The following MYRFL variants were observed in gnomAD, a reference collection of about 807,000 sequenced individuals.
MYRFL encodes myelin regulatory factor like, also known as myelin regulatory factor-like protein.
In MYRFL, 88 loss-of-function variants were observed where a neutral mutation model predicts 109.4. That is an observed-to-expected ratio of 0.80 (90% confidence interval 0.68 to 0.96). The LOEUF is 0.96. Among genes scored for constraint, MYRFL ranks in the 40% least tolerant of loss-of-function variants. The pLI is 0.00. For missense variants in MYRFL, 957 were observed against 954.9 expected, an observed-to-expected ratio of 1.00 and a Z score of -0.03; for synonymous variants, 324 against 320.9, an observed-to-expected ratio of 1.01 and a Z score of -0.10.
intron 1 of MYRFL, among the ~76,000 whole-genome samples, chr12:69,842,360 C>G (rs1267822098): frequency 6.6e-6 from 1 of 152,208 alleles, no homozygotes; most frequent in Non-Finnish European, 1.5e-5. Context: ...AATACACTTT[C>G]CACCATTCAT....
intron 1 of MYRFL, among the ~76,000 whole-genome samples, chr12:69,851,507 A>G (rs1171212444): frequency 1.3e-5 from 2 of 152,212 alleles, no homozygotes; most frequent in African/African-American, 4.8e-5. Flanking sequence ...GCAAAATCTC[A>G]AAGTATCTCC....
intron 3 of MYRFL, 24 bp downstream of exon 3, chr12:69,879,119 C>T (rs1404803690): frequency 1.4e-6 from 1 of 700,286 alleles, no homozygotes; most frequent in Non-Finnish European, 2.6e-6. Flanking sequence ...ACCTTCAGCA[C>T]ATCTGGCACT....
intron 19 of MYRFL, among the ~76,000 whole-genome samples, chr12:69,950,893 A>C (rs963428714): frequency 6.6e-6 from 1 of 152,246 alleles, no homozygotes; most frequent in African/African-American, 2.4e-5. Flanking sequence ...TAGATAGGAA[A>C]TAAAACTATC....
rs1280911381 is a variant in MYRFL at position 69,952,123 on chromosome 12, C to G, written c.2235C>G (p.Ser745Arg). 10 of 1,535,940 alleles carry G rather than the reference C, an allele frequency of 6.5e-6. No individual in the cohort carries two copies. The highest frequency in any genetic ancestry group is 5.2e-6 in the Non-Finnish European group (6 of 1,146,876). ...TTGTTTCCTTTTCAGAAGACAAAAG[C>G]AAATCAGTTTTGGCAAGAAATGCAC... The part of the protein sequence containing the change: ...FHQRRWSEDK[S>R]KSVLARNALS... Residue 745 changes from serine to arginine, a missense_variant, in exon 20 of 25, where the codon AGC (serine) becomes AGG (arginine). By Grantham distance (110) the Ser-to-Arg change is moderately radical. Transcript: ENST00000552032.
chr12:69,943,263 C>T lies in MYRFL; in HGVS notation c.2224+6631C>T, dbSNP rs555634191. Reference sequence around the variant, plus strand: ...CAAAAGAACAAAGCTGGAGGCATCACACTACCTGACTTCAAACTATACTAC... The same window carrying T: ...CAAAAGAACAAAGCTGGAGGCATCATACTACCTGACTTCAAACTATACTAC... On this transcript the variant is annotated intron_variant, in intron 19 of 24. Transcript: ENST00000552032. Among the ~76,000 whole-genome samples the T allele has an allele frequency of 2.6e-5, 4 of 151,236 alleles. No individual in the cohort carries two copies. The East Asian group carries it at 5.8e-4, about 22-fold the overall frequency.
At chr12:69,874,209 C>T (rs1290428506) in intron 2 of MYRFL, among the ~76,000 whole-genome samples, 1 of 152,178 alleles carries the variant, frequency 6.6e-6, no homozygotes. Context: ...AATAACTTCT[C>T]AGCCTGTTGC....
rs374822557 is a variant in MYRFL, at chr12:69,918,317, G to A, written c.1602+7387G>A. On this transcript the variant is annotated intron_variant, in intron 13 of 24. Coordinates refer to ENST00000552032, the MANE Select transcript of MYRFL (RefSeq NM_182530.3). ...AACAAAAAGAACCAAAGAACCGAAA[G>A]CAACACCTTAAGGAACACACCCAAT... is the stretch of plus-strand genomic sequence containing the variant. Among the ~76,000 whole-genome samples, 111 of 152,244 alleles carry A rather than the reference G, an allele frequency of 7.3e-4. No homozygotes were observed. The Middle Eastern group carries it at 0.017, about 23-fold the overall frequency.
At chr12:69,864,520 G>A (rs1199730071) in intron 2 of MYRFL, among the ~76,000 whole-genome samples, 1 of 151,940 alleles carries the variant, frequency 6.6e-6, no homozygotes, top group Non-Finnish European at 1.5e-5. Flanking sequence ...CAATAGTAGT[G>A]GAGAAACCTG....
At chr12:69,848,821 A>G (rs1168274770) in intron 1 of MYRFL, among the ~76,000 whole-genome samples, 1 of 152,204 alleles carries the variant, frequency 6.6e-6, no homozygotes, top group Non-Finnish European at 1.5e-5. Context: ...AAAATACAGT[A>G]GTTCTAATTT....
intron 2 of MYRFL, among the ~76,000 whole-genome samples, chr12:69,860,248 A>C (rs940789228): frequency 1.3e-5 from 2 of 151,696 alleles, no homozygotes; most frequent in Non-Finnish European, 2.9e-5. Flanking sequence ...ATGACTTCCA[A>C]CTCCATCCAT....
chr12:69,833,449 C>T (rs1022372630), intron 1 of MYRFL, among the ~76,000 whole-genome samples: 2 of 152,068 alleles, frequency 1.3e-5, no homozygotes, highest in African/African-American at 4.8e-5. Context: ...GTCAGTGGGT[C>T]GAAGACAGCA....
intron 11 of MYRFL, among the ~76,000 whole-genome samples, chr12:69,905,234 G>A (rs899410985): frequency 2.0e-5 from 3 of 152,210 alleles, no homozygotes; most frequent in Admixed American, 6.5e-5. Context: ...TATAACAAGT[G>A]AGAAAAGTCC....
At chr12:69,943,765 A>G (rs1955743063) in intron 19 of MYRFL, among the ~76,000 whole-genome samples, 1 of 145,054 alleles carries the variant, frequency 6.9e-6, no homozygotes, top group Non-Finnish European at 1.5e-5. Context: ...AATGGGAGAA[A>G]ATTTTTGCAA....
At chr12:69,840,858 G>A (rs765663674) in intron 1 of MYRFL, among the ~76,000 whole-genome samples, 4 of 152,160 alleles carry the variant, frequency 2.6e-5, no homozygotes, top group Admixed American at 6.5e-5. Flanking sequence ...GAAAACCCAC[G>A]TGGGGGTTGC....
In MYRFL at chr12:69,905,249, C is replaced by T. The variant is rs75959085; in HGVS notation, c.1383+1405C>T. 1.5e-3 allele frequency among the ~76,000 whole-genome samples: 230 copies of T among 152,334 alleles called. 1 individual carries two copies. Among genetic ancestry groups the T allele is most frequent in the African/African-American group, 4.6e-3 (191 of 41,574 alleles). ...TATAACAAGTGAGAAAAGTCCTGTA[C>T]AACCCTTCCTGCTACCACCAGGCAT... is the stretch of plus-strand genomic sequence containing the variant. On this transcript the variant is annotated intron_variant, in intron 11 of 24. Transcript: ENST00000552032.
chr12:69,868,232 G>A (rs920246024), intron 2 of MYRFL, among the ~76,000 whole-genome samples: 1 of 150,806 alleles, frequency 6.6e-6, no homozygotes. Flanking sequence ...TCAGCCTCCC[G>A]AGTAGCTGGG....
At chr12:69,932,935 G>T (rs969166949) in intron 16 of MYRFL, among the ~76,000 whole-genome samples, 1 of 151,448 alleles carries the variant, frequency 6.6e-6, no homozygotes, top group Non-Finnish European at 1.5e-5. Flanking sequence ...TGCAAACAAA[G>T]AGTTTTCTCA....
chr12:69,954,674 T>A (rs1323705345), intron 21 of MYRFL, among the ~76,000 whole-genome samples: 3 of 152,224 alleles, frequency 2.0e-5, no homozygotes, highest in Non-Finnish European at 2.9e-5. Flanking sequence ...TTTAAATTGT[T>A]TTTCCATGTA....
intron 1 of MYRFL, among the ~76,000 whole-genome samples, chr12:69,825,941 G>A (rs929311645): frequency 1.3e-5 from 2 of 151,946 alleles, no homozygotes; most frequent in African/African-American, 2.4e-5. Flanking sequence ...ATTTTTACAC[G>A]GTAAGGTATT....
Sources: allele counts gnomAD v4.1 joint callset (sites outside exome capture counted in the v4.1 genomes callset), GRCh38; gene constraint gnomAD v4.1.1; transcripts MANE v1.5; gene names NCBI Gene and HGNC (gene_info 2026-07-23, HGNC 2026-07-21).